STAG3: variants seen among roughly 807,000 people sequenced by gnomAD.
STAG3 encodes STAG3 cohesin complex component.
Under a neutral mutation model 160.7 loss-of-function variants are expected in STAG3, and 101 were observed. The ratio of observed to expected loss-of-function variants is 0.63; its 90% confidence interval spans 0.54 to 0.74. The LOEUF (loss-of-function observed/expected upper bound fraction) is 0.74. Among genes scored for constraint, STAG3 ranks in the 30% least tolerant of loss-of-function variants. The pLI is 0.00. For synonymous variants in STAG3, 519 were observed against 585.0 expected, an observed-to-expected ratio of 0.89 and a Z score of 1.63; for missense variants, 1,188 against 1,517.4, an observed-to-expected ratio of 0.78 and a Z score of 3.61.
chr7:100,189,075 T>A, intron 7 of STAG3, 59 bp downstream of exon 7: 1 of 1,579,846 alleles, frequency 6.3e-7, no homozygotes, highest in Non-Finnish European at 8.7e-7. Flanking sequence ...TTTCCTCTGT[T>A]CTCTGATTCA....
intron 21 of STAG3, 124 bp downstream of exon 21, chr7:100,201,475 G>T: frequency 1.3e-6 from 1 of 797,524 alleles, no homozygotes; most frequent in South Asian, 1.6e-5. Context: ...GGAAGATCAG[G>T]TGGGTGGGGG....
At chr7:100,195,268 AG>A (rs768003562) in intron 8 of STAG3, 40 bp from the exon 9 acceptor site, 1 of 1,571,522 alleles carries the variant, frequency 6.4e-7, no homozygotes, top group Non-Finnish European at 8.8e-7. Flanking sequence ...TATGCTTGTT[AG>A]GGTACAAGAA....
chr7:100,180,086 C>G lies in STAG3; in HGVS notation c.-64-407C>G, dbSNP rs1799545174. Among the ~76,000 whole-genome samples, 3 of 151,656 alleles carry G rather than the reference C, an allele frequency of 2.0e-5. 1 individual carries two copies. The South Asian group carries it at 6.3e-4, about 32-fold the overall frequency. On this transcript the variant is annotated intron_variant, in intron 1 of 33. Transcript: ENST00000615138. ...TTTTGAGGGGGGACAGGGTCTTCTT[C>G]TGTCACCCAAGCTGGATGGAGTACA...
intron 29 of STAG3, among the ~76,000 whole-genome samples, chr7:100,210,796 T>A (rs1208091291): frequency 6.6e-6 from 1 of 152,232 alleles, no homozygotes; most frequent in East Asian, 1.9e-4. Flanking sequence ...GGACAAGGCC[T>A]AGCTACAATT....
chr7:100,206,253 T>C lies in STAG3; in HGVS notation c.3238+869T>C, dbSNP rs374593598. Among the ~76,000 whole-genome samples, 25 of 152,114 alleles carry C rather than the reference T, an allele frequency of 1.6e-4. No homozygotes were observed. The East Asian group carries it at 4.5e-3, about 27-fold the overall frequency. ...GGATGGTCTTGATCTCCTGACCTCATGATCTGCCTGCCTCAGCCTCCCAAA... is the reference window on the plus strand; with the variant it reads ...GGATGGTCTTGATCTCCTGACCTCACGATCTGCCTGCCTCAGCCTCCCAAA... On this transcript the variant is annotated intron_variant, in intron 29 of 33. Transcript: ENST00000615138.
intron 1 of STAG3, among the ~76,000 whole-genome samples, chr7:100,179,563 A>C (rs940953995): frequency 6.6e-6 from 1 of 151,360 alleles, no homozygotes; most frequent in Non-Finnish European, 1.5e-5. Context: ...TATGAGTTAA[A>C]TTTCCTTGCA....
rs753991610 is a variant in STAG3, at chr7:100,198,130, C to T, written c.1208C>T (p.Ala403Val). The change falls in exon 12 of 34, where the codon GCA (alanine) becomes GTA (valine). Residue 403 changes from alanine (A) to valine (V), a missense_variant. Coordinates refer to ENST00000615138, the MANE Select transcript of STAG3 (RefSeq NM_001282717.2). ...SMVMDREYDV[A>V]VEAVRLLILI... Reference sequence around the variant, plus strand: ...GTCATGGACAGAGAGTATGATGTGGCAGTGGAGGCTGTCAGATTACTGATA... The same window carrying T: ...GTCATGGACAGAGAGTATGATGTGGTAGTGGAGGCTGTCAGATTACTGATA... The T allele has an allele frequency of 1.2e-6, 2 of 1,613,896 alleles. No individual in the cohort carries two copies. The highest frequency in any genetic ancestry group is 2.2e-5 in the East Asian group (1 of 44,878).
At chr7:100,197,570 A>G in intron 10 of STAG3, 1 of 636,984 alleles carries the variant, frequency 1.6e-6, no homozygotes, top group Non-Finnish European at 2.8e-6. Flanking sequence ...CAGCCAAAGG[A>G]TCCTTCTCAT....
At chr7:100,198,329 C>A in intron 12 of STAG3, 146 bp from the exon 13 acceptor site, 1 of 1,090,440 alleles carries the variant, frequency 9.2e-7, no homozygotes, top group Non-Finnish European at 1.4e-6. Context: ...TCTCTAACTC[C>A]CCATACTCCT....
intron 29 of STAG3, among the ~76,000 whole-genome samples, chr7:100,208,146 CTTAAT>C (rs917750403): frequency 6.6e-6 from 1 of 151,732 alleles, no homozygotes; most frequent in Non-Finnish European, 1.5e-5. Flanking sequence ...AGTTTTAGCT[CTTAAT>C]TTAGATTTGT....
intron 14 of STAG3, 74 bp from the exon 15 acceptor site, chr7:100,199,188 T>C: frequency 9.2e-7 from 1 of 1,089,676 alleles, no homozygotes; most frequent in Admixed American, 1.7e-5. Context: ...AGGAGAGCGA[T>C]ATTTAATCAG....
chr7:100,216,770 CAAA>C (rs398067113), downstream of STAG3, among the ~76,000 whole-genome samples: 1 of 128,750 alleles, frequency 7.8e-6, no homozygotes, highest in African/African-American at 2.9e-5. Flanking sequence ...GACTCCGTTT[CAAA>C]AAAAAAAAAA....
chr7:100,187,921 T>C (rs1188103804), intron 5 of STAG3, among the ~76,000 whole-genome samples: 1 of 152,040 alleles, frequency 6.6e-6, no homozygotes, highest in Non-Finnish European at 1.5e-5. Context: ...TATGCCCAGC[T>C]CATTTTTTGC....
At chr7:100,198,689 G>A in intron 13 of STAG3, 107 bp downstream of exon 13, 1 of 1,272,576 alleles carries the variant, frequency 7.9e-7, no homozygotes, top group Non-Finnish European at 1.1e-6. Flanking sequence ...AAGTCTCCCT[G>A]GTGTCTCCTT....
At position 100,201,361 on chromosome 7, in the gene STAG3, C is replaced by T; in HGVS notation, c.2220+10C>T. The T allele has an allele frequency of 6.2e-7, 1 of 1,613,260 alleles. No individual in the cohort carries two copies. The highest frequency in any genetic ancestry group is 1.3e-5 in the African/African-American group (1 of 74,968). ...AGAGGTTCCTCACCAGGTGAGTGGACAGGCTAGAGATGGGTTGGGGGCTGG... is the reference window on the plus strand; with the variant it reads ...AGAGGTTCCTCACCAGGTGAGTGGATAGGCTAGAGATGGGTTGGGGGCTGG... On this transcript the variant is annotated intron_variant, in intron 21 of 33. Transcript: ENST00000615138.
intron 1 of STAG3, among the ~76,000 whole-genome samples, chr7:100,178,636 G>T (rs1437789262): frequency 2.0e-5 from 3 of 149,414 alleles, no homozygotes; most frequent in African/African-American, 7.4e-5. Context: ...ATGTGGCCCA[G>T]GCTGATCTTG....
Position 100,199,613 on chromosome 7 carries a change from AC to A in STAG3, c.1649del (p.Pro550ArgfsTer12). 6.4e-7 allele frequency: 1 copy of A among 1,556,260 alleles called. No homozygotes were observed. Among genetic ancestry groups the A allele is most frequent in the South Asian group, 1.3e-5 (1 of 79,460 alleles). On this transcript the variant is annotated frameshift_variant, in exon 16 of 34. Coordinates refer to ENST00000615138, the MANE Select transcript of STAG3 (RefSeq NM_001282717.2). LOFTEE classifies it high-confidence loss of function. ...VSSARQASEG[H>X]PPVGRVTGRK... Reference sequence around the variant, plus strand: ...AGTGCCCGGCAAGCTTCAGAGGGGCACCCGCCTGTGGGCCGGGTCACTGGGA... The same window carrying A: ...AGTGCCCGGCAAGCTTCAGAGGGGCACCGCCTGTGGGCCGGGTCACTGGGA...
chr7:100,201,365 C>T lies in STAG3; in HGVS notation c.2220+14C>T, dbSNP rs747591614. The T allele has an allele frequency of 2.5e-6, 4 of 1,612,480 alleles. No individual in the cohort carries two copies. The highest frequency in any genetic ancestry group is 3.4e-6 in the Non-Finnish European group (4 of 1,178,628). ...GTTCCTCACCAGGTGAGTGGACAGG[C>T]TAGAGATGGGTTGGGGGCTGGGGGG... On this transcript the variant is annotated intron_variant, in intron 21 of 33. Transcript: ENST00000615138.
At chr7:100,180,861 C>A in intron 2 of STAG3, 189 bp downstream of exon 2, 67 of 391,482 alleles carry the variant, frequency 1.7e-4, no homozygotes, top group Middle Eastern at 8.1e-4. Flanking sequence ...TTGTAGACAT[C>A]AAAATAGTAG....
Sources: allele counts gnomAD v4.1 joint callset (sites outside exome capture counted in the v4.1 genomes callset), GRCh38; gene constraint gnomAD v4.1.1; transcripts MANE v1.5; gene names NCBI Gene and HGNC (gene_info 2026-07-23, HGNC 2026-07-21).